The following CCDC88A variants were observed in gnomAD, a reference collection of about 807,000 sequenced individuals.
The protein encoded by CCDC88A is coiled-coil and HOOK domain protein 88A.
In CCDC88A, 54 loss-of-function variants were observed where a neutral mutation model predicts 234.3. That is an observed-to-expected ratio of 0.23 (90% CI 0.19 to 0.29). The LOEUF is 0.29. CCDC88A is among the 10% of genes least tolerant of loss of function. The pLI is 1.00. For synonymous variants in CCDC88A, 753 were observed against 737.8 expected (o/e 1.02, Z -0.33); for missense variants, 1,832 against 2,123.4 (o/e 0.86, Z 2.70).
At position 55,332,660 on chromosome 2, in the gene CCDC88A, T is replaced by C. The variant is rs145237419; in HGVS notation, c.2761A>G (p.Met921Val). 4 of 1,613,450 alleles carry C rather than the reference T, an allele frequency of 2.5e-6. No homozygotes were observed. Among genetic ancestry groups the C allele is most frequent in the Non-Finnish European group, 3.4e-6 (4 of 1,179,724 alleles). ...GTTAATTTTTCGAGATCATTGTTCA[T>C]CTGTTGGGTCTTCAACTTTTCACTC... is the stretch of plus-strand genomic sequence containing the variant. ...LVSEKLKTQQ[M>V]NNDLEKLTHE... The change falls in exon 16 of 33, where the codon ATG becomes GTG. Residue 921 changes from methionine to valine, a missense_variant. Around this residue, in one of 6 missense-constraint regions of CCDC88A, gnomAD observed 1,282 missense variants for 1,543.6 expected, o/e 0.83. Coordinates refer to ENST00000436346, the MANE Select transcript of CCDC88A (RefSeq NM_001365480.1). This position sits in a 1 kb window ranked among gnomAD's most constrained non-coding sequence, Gnocchi z 4.5.
chr2:55,303,526 C>G (rs184504626), intron 25 of CCDC88A, among the ~76,000 whole-genome samples: 1 of 151,942 alleles, frequency 6.6e-6, no homozygotes, highest in African/African-American at 2.4e-5. Context: ...GAATTACAGG[C>G]ATGTGCCAAC....
Position 55,309,131 on chromosome 2 carries a change from A to G in CCDC88A, c.4172+31T>C, listed in dbSNP as rs765943888. 2 of 1,447,180 alleles carry G rather than the reference A, an allele frequency of 1.4e-6. No individual in the cohort carries two copies. Among genetic ancestry groups the G allele is most frequent in the Non-Finnish European group, 1.9e-6 (2 of 1,040,430 alleles). The allele number at this position is 1,447,180 out of a possible 1,614,324, so 89.6% of individuals were successfully genotyped here. ...AAATAACCTAGTGTTTTTTTTCAGA[A>G]TAAGAATTCATAAAATTTGGTTAAT... On this transcript the variant is annotated intron_variant, in intron 24 of 32. Transcript: ENST00000436346. This position sits in a 1 kb window ranked among gnomAD's most constrained non-coding sequence, Gnocchi z 5.1.
intron 2 of CCDC88A, among the ~76,000 whole-genome samples, chr2:55,406,846 AT>A (rs1430391091): frequency 1.3e-5 from 2 of 152,198 alleles, no homozygotes; most frequent in African/African-American, 2.4e-5. Flanking sequence ...GAAAGGAGAC[AT>A]TAACAGTTAT....
chr2:55,390,214 T>C (rs1198037800), intron 2 of CCDC88A, among the ~76,000 whole-genome samples: 1 of 152,124 alleles, frequency 6.6e-6, no homozygotes, highest in Admixed American at 6.5e-5. Context: ...GGTTTAACTT[T>C]TAAAAAACAG....
At chr2:55,312,317 T>A (rs1286923261) in intron 23 of CCDC88A, 117 bp downstream of exon 23, 8 of 846,396 alleles carry the variant, frequency 9.5e-6, no homozygotes, top group Non-Finnish European at 1.5e-5. Context: ...ATATAAGCAC[T>A]CAAAAATATT....
chr2:55,319,566 G>A (rs1004911984), intron 18 of CCDC88A, among the ~76,000 whole-genome samples: 2 of 151,966 alleles, frequency 1.3e-5, no homozygotes, highest in Non-Finnish European at 2.9e-5. Context: ...CAGACCTAAC[G>A]CAGATATTTT....
At chr2:55,409,769 G>T (rs1680172258) in intron 2 of CCDC88A, among the ~76,000 whole-genome samples, 1 of 105,418 alleles carries the variant, frequency 9.5e-6, no homozygotes, top group South Asian at 3.0e-4. Context: ...TTCAGACAGA[G>T]TCTCACTGTC....
At chr2:55,379,180 A>G (rs1307705051) in intron 3 of CCDC88A, among the ~76,000 whole-genome samples, 1 of 152,214 alleles carries the variant, frequency 6.6e-6, no homozygotes. Context: ...GATTTATTAT[A>G]TCATCATAGA....
rs1381169429 is a variant in CCDC88A, at chr2:55,289,844, C to T, written c.*1356G>A. 1 of 151,980 alleles carries T rather than the reference C, an allele frequency of 6.6e-6. No individual in the cohort carries two copies. Among genetic ancestry groups the T allele is most frequent in the Admixed American group, 6.6e-5 (1 of 15,240 alleles). 9.4% of individuals were successfully genotyped at this position (151,980 alleles called of 1,614,324 possible). A position where few individuals can be genotyped will look rare whatever the true frequency, so the allele number is the denominator to read the frequency against. On this transcript the variant is annotated 3_prime_UTR_variant, in exon 33 of 33. Coordinates refer to ENST00000436346, the MANE Select transcript of CCDC88A (RefSeq NM_001365480.1). ...ACTGGGTTAGTGATGAAACCCACAA[C>T]TCATAAACCACACACTATGGAATAT... is the stretch of plus-strand genomic sequence containing the variant.
intron 29 of CCDC88A, chr2:55,297,016 C>T (rs1419102863): frequency 1.3e-5 from 2 of 151,722 alleles, no homozygotes; most frequent in Non-Finnish European, 2.9e-5. Flanking sequence ...AACCCCGTCT[C>T]TACTAAAAAT....
At chr2:55,416,266 A>G (rs1681364615) in intron 2 of CCDC88A, among the ~76,000 whole-genome samples, 1 of 151,304 alleles carries the variant, frequency 6.6e-6, no homozygotes. Flanking sequence ...ACTAAACATT[A>G]TAGAAGAAAA....
intron 2 of CCDC88A, among the ~76,000 whole-genome samples, chr2:55,395,159 A>G (rs1677318577): frequency 6.6e-6 from 1 of 151,988 alleles, no homozygotes; most frequent in African/African-American, 2.4e-5. Flanking sequence ...AAAATGTTTT[A>G]TAGATGAGAT....
At chr2:55,369,530 C>G (rs1399978094) in intron 5 of CCDC88A, among the ~76,000 whole-genome samples, 1 of 151,308 alleles carries the variant, frequency 6.6e-6, no homozygotes, top group Admixed American at 6.6e-5. Context: ...CAGCTCACTG[C>G]AACCTCCATC....
chr2:55,348,962 A>G (rs946710686), intron 9 of CCDC88A: 4 of 152,350 alleles, frequency 2.6e-5, no homozygotes, highest in Admixed American at 2.6e-4. Flanking sequence ...TATGGATTAA[A>G]GAGCTCATAC....
At chr2:55,349,705 A>G (rs1432125727) in intron 8 of CCDC88A, 106 bp from the exon 9 acceptor site, 1 of 694,806 alleles carries the variant, frequency 1.4e-6, no homozygotes, top group African/African-American at 1.8e-5. Flanking sequence ...AGTTGGACAT[A>G]GTATTAGCCA....
At chr2:55,390,960 T>C (rs953432001) in intron 2 of CCDC88A, among the ~76,000 whole-genome samples, 2 of 152,166 alleles carry the variant, frequency 1.3e-5, no homozygotes, top group African/African-American at 2.4e-5. Context: ...GGCAATATGG[T>C]GGAAGCCTGT....
intron 23 of CCDC88A, among the ~76,000 whole-genome samples, chr2:55,310,014 A>C (rs1057196202): frequency 1.3e-5 from 2 of 152,230 alleles, no homozygotes; most frequent in African/African-American, 4.8e-5. Flanking sequence ...AGATCACGAA[A>C]TAAAGCCCCA....
intron 12 of CCDC88A, among the ~76,000 whole-genome samples, chr2:55,341,878 G>C (rs1668556684): frequency 6.6e-6 from 1 of 152,126 alleles, no homozygotes; most frequent in African/African-American, 2.4e-5. Context: ...AACAAGCATG[G>C]GAATGCAGAT....
rs1429386237 is a variant in CCDC88A, at chr2:55,388,896, A to G, written c.165-10T>C. 7 of 946,128 alleles carry G rather than the reference A, an allele frequency of 7.4e-6. No individual in the cohort carries two copies. The highest frequency in any genetic ancestry group is 1.1e-5 in the Non-Finnish European group (7 of 621,218). The allele number at this position is 946,128 out of a possible 1,614,324, so 58.6% of individuals were successfully genotyped here. On this transcript the variant is annotated splice_polypyrimidine_tract_variant and intron_variant, in intron 2 of 32. Transcript: ENST00000436346. Reference sequence around the variant, plus strand: ...CTCCAATTTAGGATTACTGTAAGAAATACAAAAATACTTTAAAATTACATA... The same window carrying G: ...CTCCAATTTAGGATTACTGTAAGAAGTACAAAAATACTTTAAAATTACATA...
Sources: gnomAD v4.1 joint callset for allele counts (sites outside exome capture counted in the v4.1 genomes callset) on GRCh38, gnomAD v4.1.1 for gene constraint, gnomAD v4.1.1 regional missense constraint, Gnocchi (gnomAD v3.1) non-coding constraint, MANE v1.5 for transcripts, NCBI Gene and HGNC (gene_info 2026-07-23, HGNC 2026-07-21) for gene names.